Variants in CEP70 observed in about 807,000 individuals in gnomAD.
The protein encoded by CEP70 is centrosomal protein 70, also known as centrosomal protein of 70 kDa.
A neutral mutation model predicts 90.9 loss-of-function variants in CEP70; 70 were observed. The observed-to-expected ratio is 0.77, with a 90% CI of 0.64 to 0.94. The LOEUF (loss-of-function observed/expected upper bound fraction) is 0.94, where lower values mean the gene tolerates loss of function less well. Among genes scored for constraint, CEP70 ranks in the 40% least tolerant of loss-of-function variants. The probability of loss-of-function intolerance (pLI) is 0.00; values close to 1 mark genes in which losing one functional copy is unlikely to be tolerated. For missense variants in CEP70, 648 were observed against 669.0 expected (o/e 0.97, Z 0.35); for synonymous variants, 220 against 228.3 (o/e 0.96, Z 0.33).
intron 11 of CEP70, among the ~76,000 whole-genome samples, chr3:138,512,572 A>G (rs771763481): frequency 5.9e-5 from 9 of 152,196 alleles, no homozygotes; most frequent in African/African-American, 9.7e-5. Context: ...ATCCCCTAGG[A>G]GTGCCTAAGG....
intron 6 of CEP70, among the ~76,000 whole-genome samples, chr3:138,565,409 T>C (rs570050417): frequency 1.3e-5 from 2 of 151,738 alleles, no homozygotes; most frequent in Admixed American, 1.3e-4. Context: ...AGCAAAAAGC[T>C]GGAGGCAACA....
intron 2 of CEP70, among the ~76,000 whole-genome samples, chr3:138,579,925 A>G (rs1214677092): frequency 6.6e-6 from 1 of 152,026 alleles, no homozygotes; most frequent in African/African-American, 2.4e-5. Flanking sequence ...GGGGTTCCCA[A>G]TTCCAGGCTT....
chr3:138,583,765 A>G (rs1342171977), intron 2 of CEP70, among the ~76,000 whole-genome samples: 4 of 152,216 alleles, frequency 2.6e-5, no homozygotes, highest in Non-Finnish European at 5.9e-5. Context: ...ACAAATGATA[A>G]TGGAAACAGA....
chr3:138,571,631 C>T (rs1351640291), intron 3 of CEP70, among the ~76,000 whole-genome samples: 1 of 152,118 alleles, frequency 6.6e-6, no homozygotes, highest in South Asian at 2.1e-4. Flanking sequence ...AACAAAAACA[C>T]CTTGTAATTT....
intron 10 of CEP70, among the ~76,000 whole-genome samples, chr3:138,528,744 C>A (rs1311389921): frequency 2.0e-5 from 2 of 102,402 alleles, no homozygotes; most frequent in Non-Finnish European, 3.8e-5. Flanking sequence ...GTAATCCCAG[C>A]ACTTTGGGGA....
chr3:138,528,285 C>G (rs2037484800), intron 10 of CEP70, among the ~76,000 whole-genome samples: 1 of 152,068 alleles, frequency 6.6e-6, no homozygotes, highest in Non-Finnish European at 1.5e-5. Context: ...CTCAAGCAAT[C>G]CACCTGCCTC....
At chr3:138,569,001 A>G (rs2040979785) in intron 6 of CEP70, among the ~76,000 whole-genome samples, 1 of 151,934 alleles carries the variant, frequency 6.6e-6, no homozygotes, top group Non-Finnish European at 1.5e-5. Flanking sequence ...AAACAAAAAA[A>G]AAACACAAAA....
At chr3:138,550,074 C>T (rs1344996828) in intron 6 of CEP70, among the ~76,000 whole-genome samples, 3 of 152,102 alleles carry the variant, frequency 2.0e-5, no homozygotes, top group Admixed American at 1.3e-4. Flanking sequence ...CAGCCTTGAG[C>T]CCCAGACCTT....
intron 10 of CEP70, among the ~76,000 whole-genome samples, chr3:138,526,302 C>T (rs147466202): frequency 2.0e-5 from 3 of 151,990 alleles, no homozygotes; most frequent in African/African-American, 7.3e-5. Context: ...CTGGGACTAC[C>T]GATGCGTACC....
rs1227493704 is a variant in CEP70, at chr3:138,494,447, C to T, written c.*568G>A. On this transcript the variant is annotated 3_prime_UTR_variant, in exon 18 of 18. Transcript: ENST00000264982. The stretch of plus-strand genomic sequence containing the variant: ...CACTTTTTAAATGAGAGACTTCTAT[C>T]TACTCATCCATTTTACCCTATGATT... 6.6e-6 allele frequency: 1 copy of T among 152,202 alleles called. No homozygotes were observed. The highest frequency in any genetic ancestry group is 1.5e-5 in the Non-Finnish European group (1 of 68,036). 9.4% of individuals were successfully genotyped at this position (152,202 alleles called of 1,614,324 possible).
chr3:138,554,012 C>T (rs1022684671), intron 6 of CEP70, among the ~76,000 whole-genome samples: 1 of 151,918 alleles, frequency 6.6e-6, no homozygotes, highest in African/African-American at 2.4e-5. Context: ...GCCTGGCCAA[C>T]ATGGTGAATG....
intron 11 of CEP70, among the ~76,000 whole-genome samples, chr3:138,515,730 T>A (rs1456330017): frequency 6.6e-6 from 1 of 152,172 alleles, no homozygotes. Flanking sequence ...ACTATCTATC[T>A]CTACGTATGT....
At chr3:138,575,568 A>G (rs1182550362) in intron 2 of CEP70, among the ~76,000 whole-genome samples, 1 of 152,204 alleles carries the variant, frequency 6.6e-6, no homozygotes, top group Non-Finnish European at 1.5e-5. Context: ...CTAGCAAGAC[A>G]GGCCAACATT....
chr3:138,521,742 G>C (rs1298712684), intron 11 of CEP70, among the ~76,000 whole-genome samples: 1 of 152,130 alleles, frequency 6.6e-6, no homozygotes, highest in African/African-American at 2.4e-5. Context: ...TGTCTGGGAA[G>C]TGAGGAGCCC....
intron 6 of CEP70, among the ~76,000 whole-genome samples, chr3:138,545,008 A>G (rs1254475589): frequency 6.6e-6 from 1 of 152,230 alleles, no homozygotes; most frequent in Non-Finnish European, 1.5e-5. Context: ...CAGTAGGTTG[A>G]CTATATTAAC....
intron 6 of CEP70, among the ~76,000 whole-genome samples, chr3:138,567,143 C>A (rs2040849387): frequency 6.6e-6 from 1 of 152,182 alleles, no homozygotes; most frequent in African/African-American, 2.4e-5. Flanking sequence ...CCCATGCCAA[C>A]TGAATTGTCT....
chr3:138,528,075 C>T (rs891373806), intron 10 of CEP70, among the ~76,000 whole-genome samples: 8 of 145,192 alleles, frequency 5.5e-5, no homozygotes, highest in Non-Finnish European at 9.0e-5. Context: ...CACAGGGTCT[C>T]GCTCTGTCAC....
intron 12 of CEP70, 144 bp downstream of exon 12, chr3:138,508,295 G>T: frequency 1.6e-6 from 1 of 622,088 alleles, no homozygotes; most frequent in Non-Finnish European, 2.9e-6. Context: ...AAATAGTTAT[G>T]TCACGGAAAG....
intron 11 of CEP70, among the ~76,000 whole-genome samples, chr3:138,517,030 A>C (rs939016102): frequency 1.4e-4 from 22 of 152,206 alleles, no homozygotes; most frequent in African/African-American, 5.3e-4. Flanking sequence ...GGCTCACTGC[A>C]TTCCTTCTGG....
Sources: gnomAD v4.1 joint callset for allele counts (sites outside exome capture counted in the v4.1 genomes callset) on GRCh38, gnomAD v4.1.1 for gene constraint, MANE v1.5 for transcripts, NCBI Gene and HGNC (gene_info 2026-07-23, HGNC 2026-07-21) for gene names.